Variants in AIRE observed in about 807,000 individuals in gnomAD.
AIRE encodes the protein autoimmune regulator, also known as autoimmune polyendocrinopathy candidiasis ectodermal dystrophy protein.
In AIRE, 52 loss-of-function variants were observed where a neutral mutation model predicts 62.1. The observed-to-expected ratio is 0.84, with a 90% CI of 0.67 to 1.06. AIRE has a LOEUF of 1.06. Ranked by LOEUF, AIRE falls within the 50% of genes least tolerant of loss-of-function variation. The pLI is 0.00. For missense variants in AIRE, 774 were observed against 755.8 expected (o/e 1.02, Z -0.28); for synonymous variants, 342 against 321.6 (o/e 1.06, Z -0.68).
intron 12 of AIRE, among the ~76,000 whole-genome samples, chr21:44,295,830 C>A (rs1747815141): frequency 2.0e-5 from 3 of 151,934 alleles, no homozygotes; most frequent in Admixed American, 2.0e-4. Context: ...CCTCCCTCAG[C>A]CATGCAGGGC....
In AIRE at chr21:44,297,590, T is replaced by C. The variant is rs1009038542; in HGVS notation, c.1567-66T>C. 15 of 1,407,588 alleles carry C rather than the reference T, an allele frequency of 1.1e-5. No homozygotes were observed. In the African/African-American group the frequency reaches 1.7e-4, roughly 16 times the overall value. The allele number at this position is 1,407,588 out of a possible 1,614,324, so 87.2% of individuals were successfully genotyped here. A position where few individuals can be genotyped will look rare whatever the true frequency, so the allele number is the denominator to read the frequency against. On this transcript the variant is annotated intron_variant, in intron 13 of 13. Transcript: ENST00000291582. This position sits in a 1 kb window ranked among gnomAD's most constrained non-coding sequence, Gnocchi z 4.8. ...GTTGGATGGTGACTTCTTGTAACGA[T>C]GGCCATGATTCTGTGGCTGCGGCGG... is the stretch of plus-strand genomic sequence containing the variant.
In AIRE at chr21:44,287,423, G is replaced by A. The variant is rs965518051; in HGVS notation, c.464-94G>A. The A allele has an allele frequency of 1.8e-5, 16 of 884,196 alleles. No individual in the cohort carries two copies. The highest frequency in any genetic ancestry group is 2.6e-5 in the Non-Finnish European group (14 of 546,960). 54.8% of individuals were successfully genotyped at this position (884,196 alleles called of 1,614,324 possible). A position where few individuals can be genotyped will look rare whatever the true frequency, so the allele number is the denominator to read the frequency against. ...CAAAGGGACTACCCAGCACTGGACC[G>A]CCCCCTCCACGCCCTCCCACCGCGG... On this transcript the variant is annotated intron_variant, in intron 3 of 13. Coordinates refer to ENST00000291582, the MANE Select transcript of AIRE (RefSeq NM_000383.4). This position sits in a 1 kb window ranked among gnomAD's most constrained non-coding sequence, Gnocchi z 4.3.
intron 12 of AIRE, among the ~76,000 whole-genome samples, chr21:44,294,759 C>T (rs747574854): frequency 1.3e-5 from 2 of 152,196 alleles, no homozygotes; most frequent in Non-Finnish European, 1.5e-5. Flanking sequence ...GCTGTGTGGC[C>T]GCCTCACAGC....
At chr21:44,290,216 A>G (rs950349203) in intron 7 of AIRE, 148 bp downstream of exon 7, 4 of 1,490,760 alleles carry the variant, frequency 2.7e-6, no homozygotes, top group Non-Finnish European at 3.6e-6. Context: ...TCTTTAATAG[A>G]CAGTATTTTT....
At position 44,287,556 on chromosome 21, in the gene AIRE, G is replaced by T; in HGVS notation, c.503G>T (p.Ser168Ile). 1 of 1,558,974 alleles carries T rather than the reference G, an allele frequency of 6.4e-7. No homozygotes were observed. The highest frequency in any genetic ancestry group is 1.2e-5 in the South Asian group (1 of 84,628). ...GCCAAGCCCCCCAAGAAGCCGGAGA[G>T]CAGCGCAGAGCAGCAGCGCCTTCCA... ...LKAKPPKKPE[S>I]SAEQQRLPLG... is the part of the protein sequence containing the mutation. The change falls in exon 4 of 14, where the codon AGC (serine) becomes ATC (isoleucine). Residue 168 changes from serine (S) to isoleucine (I), a missense_variant. Physicochemically the swap from Ser to Ile is moderately radical, Grantham distance 142 (BLOSUM62 -2). This residue lies in a region of AIRE where 385 missense variants were observed against 396.0 expected (regional missense o/e 0.97). Coordinates refer to ENST00000291582, the MANE Select transcript of AIRE (RefSeq NM_000383.4). The surrounding 1 kb of genome is among the most constrained non-coding windows in gnomAD (Gnocchi z 4.3).
rs763695515 is a variant in AIRE at position 44,293,805 on chromosome 21, C to CA, written c.1295_1296insA (p.Arg433AlafsTer71). On this transcript the variant is annotated frameshift_variant, in exon 11 of 14. Coordinates refer to ENST00000291582, the MANE Select transcript of AIRE (RefSeq NM_000383.4). LOFTEE classifies it high-confidence loss of function. ...CTCCCACAGAACCTGGCTCCTGGTG[C>CA]GCGTTGCGGGGTGTGCGGAGATGGT... 6 of 1,596,422 alleles carry CA rather than the reference C, an allele frequency of 3.8e-6. No individual in the cohort carries two copies. The highest frequency in any genetic ancestry group is 3.3e-5 in the Admixed American group (2 of 59,948).
At chr21:44,294,063 C>T (rs1416598772) in intron 11 of AIRE, among the ~76,000 whole-genome samples, 153 bp downstream of exon 11, 1 of 144,682 alleles carries the variant, frequency 6.9e-6, no homozygotes, top group African/African-American at 2.6e-5. Context: ...ACACCCATGC[C>T]CTGCACCCAC....
intron 12 of AIRE, among the ~76,000 whole-genome samples, chr21:44,294,835 C>T (rs544178738): frequency 6.6e-6 from 1 of 152,244 alleles, no homozygotes; most frequent in East Asian, 1.9e-4. Flanking sequence ...GCCCGGCCTG[C>T]AGGAGCAAAC....
intron 12 of AIRE, among the ~76,000 whole-genome samples, chr21:44,295,782 G>A (rs1274309378): frequency 6.6e-6 from 1 of 152,114 alleles, no homozygotes; most frequent in Non-Finnish European, 1.5e-5. Context: ...TTAGGACCGG[G>A]GAGCATCCAG....
At chr21:44,292,242 T>TG (rs2040548528) in intron 8 of AIRE, 60 bp from the exon 9 acceptor site, 1 of 1,401,102 alleles carries the variant, frequency 7.1e-7, no homozygotes, top group African/African-American at 1.4e-5. Flanking sequence ...CCCGTGGGTT[T>TG]GGGGATCTGT....
intron 13 of AIRE, among the ~76,000 whole-genome samples, chr21:44,296,826 TG>T (rs60326748): frequency 0.2 from 28,641 of 140,154 alleles, 2,706 homozygotes; most frequent in Admixed American, 0.24. Context: ...GGCGTGGGAG[TG>T]GGGGGGGGGT....
rs538568691 is a variant in AIRE at position 44,287,584 on chromosome 21, C to T, written c.531C>T (p.Leu177=). 8.0e-5 allele frequency: 124 copies of T among 1,555,878 alleles called. 1 individual carries two copies. Among genetic ancestry groups the T allele is most frequent in the South Asian group, 3.4e-4 (29 of 84,370 alleles). ...ESSAEQQRLP[L]GNGIQTMSAS... ...GCGCAGAGCAGCAGCGCCTTCCACT[C>T]GGGAACGGTGAGCGGGGCCCAGTGG... The change falls in exon 4 of 14, where the codon CTC becomes CTT. Residue 177 remains leucine, a synonymous_variant. Transcript: ENST00000291582. The surrounding 1 kb of genome is among the most constrained non-coding windows in gnomAD (Gnocchi z 4.3).
At chr21:44,288,278 G>T in intron 4 of AIRE, 67 bp from the exon 5 acceptor site, 1 of 1,295,490 alleles carries the variant, frequency 7.7e-7, no homozygotes, top group South Asian at 1.2e-5. Context: ...GCCTGCTTCT[G>T]GCATAGAGTA....
rs571989183 is a variant in AIRE, at chr21:44,297,940, C to T, written c.*213C>T. On this transcript the variant is annotated 3_prime_UTR_variant, in exon 14 of 14. Coordinates refer to ENST00000291582, the MANE Select transcript of AIRE (RefSeq NM_000383.4). This position sits in a 1 kb window ranked among gnomAD's most constrained non-coding sequence, Gnocchi z 4.8. Reference sequence around the variant, plus strand: ...CCCACTTCTCTACTCTGGAAGTCCCCGGGAGCCTCTCCTTGCCTGGTGACC... The same window carrying T: ...CCCACTTCTCTACTCTGGAAGTCCCTGGGAGCCTCTCCTTGCCTGGTGACC... The T allele has an allele frequency of 3.3e-4, 191 of 579,060 alleles. No individual in the cohort carries two copies. The highest frequency in any genetic ancestry group is 4.1e-4 in the Non-Finnish European group (132 of 320,078). The allele number at this position is 579,060 out of a possible 1,614,324, so 35.9% of individuals were successfully genotyped here.
rs779589936 is a variant in AIRE at position 44,293,046 on chromosome 21, A to G, written c.1149A>G (p.Glu383=). 3 of 1,611,794 alleles carry G rather than the reference A, an allele frequency of 1.9e-6. No homozygotes were observed. The highest frequency in any genetic ancestry group is 2.5e-6 in the Non-Finnish European group (3 of 1,179,666). The part of the protein sequence containing the change: ...AGEEVRGPPG[E]PLAGMDTTLV... ...AGGAGGTAAGAGGTCCACCTGGGGA[A>G]CCCCTAGCCGGCATGGACACGACTC... Residue 383 remains glutamate (E), a synonymous_variant, in exon 10 of 14, where the codon GAA becomes GAG. Coordinates refer to ENST00000291582, the MANE Select transcript of AIRE (RefSeq NM_000383.4).
chr21:44,289,848 C>T (rs781375466), intron 6 of AIRE, 46 bp downstream of exon 6: 32 of 1,611,154 alleles, frequency 2.0e-5, no homozygotes, highest in East Asian at 6.7e-5. Context: ...TGATGCCCCC[C>T]GCCCCAGGAA....
At chr21:44,290,098 T>A (rs1427969695) in intron 7 of AIRE, 30 bp downstream of exon 7, 1 of 1,600,832 alleles carries the variant, frequency 6.2e-7, no homozygotes, top group Non-Finnish European at 8.5e-7. Context: ...GAGAGGCCCC[T>A]GTCTGCCCTT....
Position 44,285,889 on chromosome 21 carries a change from G to A in AIRE, c.-118G>A, listed in dbSNP as rs1238942056. On this transcript the variant is annotated 5_prime_UTR_variant, in exon 1 of 14. Transcript: ENST00000291582. ...GGCTCGCAGACCGGGGAGACGGGCG[G>A]GCGCACAGCCGGCGCGGAGGCCCCA... The A allele has an allele frequency of 9.6e-7, 1 of 1,036,624 alleles. No individual in the cohort carries two copies. The highest frequency in any genetic ancestry group is 1.3e-6 in the Non-Finnish European group (1 of 774,456). The allele number at this position is 1,036,624 out of a possible 1,614,324, so 64.2% of individuals were successfully genotyped here.
rs754624261 is a variant in AIRE at position 44,286,704 on chromosome 21, C to T, written c.280C>T (p.Gln94Ter). The change falls in exon 2 of 14, where the codon CAG becomes TAG. Residue 94 changes from glutamine (Q) to a stop codon, truncating the protein, a stop_gained. Transcript: ENST00000291582. LOFTEE classifies it high-confidence loss of function. The surrounding 1 kb of genome is among the most constrained non-coding windows in gnomAD (Gnocchi z 6.0). ...DYNLERYGRLQPILDSFPKDV... is the reference protein window; with the variant it reads ...DYNLERYGRL ...CAACCTGGAGCGCTATGGCCGGCTGCAGCCCATCCTGGACAGCTTCCCCAA... is the reference window on the plus strand; with the variant it reads ...CAACCTGGAGCGCTATGGCCGGCTGTAGCCCATCCTGGACAGCTTCCCCAA... The T allele has an allele frequency of 1.9e-6, 3 of 1,612,896 alleles. No homozygotes were observed. In the African/African-American group the frequency reaches 4.0e-5, roughly 22 times the overall value.
Sources: gnomAD v4.1 joint callset for allele counts (sites outside exome capture counted in the v4.1 genomes callset) on GRCh38, gnomAD v4.1.1 for gene constraint, gnomAD v4.1.1 regional missense constraint, Gnocchi (gnomAD v3.1) non-coding constraint, MANE v1.5 for transcripts, NCBI Gene and HGNC (gene_info 2026-07-23, HGNC 2026-07-21) for gene names.